Variants in PRDM7 observed in about 807,000 individuals in gnomAD.
PRDM7 encodes the protein PR/SET domain 7.
In PRDM7, 52 loss-of-function variants were observed where a neutral mutation model predicts 64.3. The ratio of observed to expected loss-of-function variants is 0.81; its 90% CI spans 0.65 to 1.02. The LOEUF is 1.02. Among genes scored for constraint, PRDM7 ranks in the 50% least tolerant of loss-of-function variants. The pLI is 0.00. For missense variants in PRDM7, 574 were observed against 597.1 expected, an observed-to-expected ratio of 0.96 and a Z score of 0.40; for synonymous variants, 192 against 210.1, an observed-to-expected ratio of 0.91 and a Z score of 0.74.
Position 90,071,911 on chromosome 16 carries a change from G to A in PRDM7, c.301+3005C>T, listed in dbSNP as rs148995013. Among the ~76,000 whole-genome samples, 1,382 of 152,262 alleles carry A rather than the reference G, an allele frequency of 9.1e-3. 21 individuals carry two copies. Among genetic ancestry groups the A allele is most frequent in the African/African-American group, 0.031 (1,293 of 41,530 alleles). On this transcript the variant is annotated intron_variant, in intron 4 of 10. Transcript: ENST00000449207. The stretch of plus-strand genomic sequence containing the variant: ...ATATAATATATTAAAAAGAATTAAA[G>A]GCTGGGCGCGGTGGCTCATGCCTGT...
At chr16:90,072,364 G>A (rs557186046) in intron 4 of PRDM7, among the ~76,000 whole-genome samples, 1 of 152,260 alleles carries the variant, frequency 6.6e-6, no homozygotes, top group South Asian at 2.1e-4. Context: ...TTTTCAAAAT[G>A]TGGTATATAC....
rs1170979377 is a variant in PRDM7, at chr16:90,062,432, C to A, written c.579G>T (p.Glu193Asp). 1 of 1,614,134 alleles carries A rather than the reference C, an allele frequency of 6.2e-7. No homozygotes were observed. Among genetic ancestry groups the A allele is most frequent in the Non-Finnish European group, 8.5e-7 (1 of 1,180,028 alleles). ...AGTCATCATCCTGTGGCTCGCTGAT[C>A]TCTTTGTATGCATGACCCTTTCTTT... The part of the protein sequence containing the change: ...LRERKGHAYK[E>D]ISEPQDDDYL... The change falls in exon 7 of 11, where the codon GAG becomes GAT. Residue 193 changes from glutamate (E) to aspartate (D), a missense_variant. By Grantham distance (45) the Glu-to-Asp change is conservative. Coordinates refer to ENST00000449207, the MANE Select transcript of PRDM7 (RefSeq NM_001098173.2).
At position 90,057,716 on chromosome 16, in the gene PRDM7, T is replaced by C; in HGVS notation, c.*573A>G. The C allele has an allele frequency of 8.1e-7, 1 of 1,233,078 alleles. No homozygotes were observed. Among genetic ancestry groups the C allele is most frequent in the South Asian group, 1.5e-5 (1 of 67,534 alleles). The allele number at this position is 1,233,078 out of a possible 1,614,324, so 76.4% of individuals were successfully genotyped here. On this transcript the variant is annotated 3_prime_UTR_variant, in exon 11 of 11. Coordinates refer to ENST00000449207, the MANE Select transcript of PRDM7 (RefSeq NM_001098173.2). The stretch of plus-strand genomic sequence containing the variant: ...AGTTATTTCCGATCTCTTTACACTC[T>C]CGGGGAATGTAAGGGGTTAGCAGAC...
rs1449364671 is a variant in PRDM7 at position 90,059,455 on chromosome 16, T to G, written c.1233+886A>C. ...CCACCATTTTCTCTCACTTGGAAACTGGAGCAGCTCTGAAGGGATGACCCA... is the reference window on the plus strand; with the variant it reads ...CCACCATTTTCTCTCACTTGGAAACGGGAGCAGCTCTGAAGGGATGACCCA... On this transcript the variant is annotated intron_variant, in intron 10 of 10. Coordinates refer to ENST00000449207, the MANE Select transcript of PRDM7 (RefSeq NM_001098173.2). 3.3e-5 allele frequency among the ~76,000 whole-genome samples: 5 copies of G among 152,244 alleles called. No individual in the cohort carries two copies. The East Asian group carries it at 9.6e-4, about 29-fold the overall frequency.
In PRDM7 at chr16:90,060,503, A is replaced by C. The variant is rs778736368; in HGVS notation, c.1071T>G (p.Ser357=). 7.4e-6 allele frequency: 12 copies of C among 1,613,676 alleles called. No homozygotes were observed. The highest frequency in any genetic ancestry group is 1.0e-5 in the Non-Finnish European group (12 of 1,179,904). Residue 357 remains serine (S), a synonymous_variant, in exon 10 of 11, where the codon TCT becomes TCG. Coordinates refer to ENST00000449207, the MANE Select transcript of PRDM7 (RefSeq NM_001098173.2). ...IRPGCELLVW[S]GDEYGQELGI... is the part of the protein sequence containing the mutation. ...CCAGTTCCTGGCCATACTCATCCCCAGACCAGACCAGCAGTTCACAGCCTG... is the reference window on the plus strand; with the variant it reads ...CCAGTTCCTGGCCATACTCATCCCCCGACCAGACCAGCAGTTCACAGCCTG...
At chr16:90,074,305 TC>T (rs2038003745) in intron 4 of PRDM7, among the ~76,000 whole-genome samples, 2 of 151,348 alleles carry the variant, frequency 1.3e-5, no homozygotes, top group Non-Finnish European at 2.9e-5. Context: ...ATCATCATCA[TC>T]ATCATCATCA....
intron 1 of PRDM7, among the ~76,000 whole-genome samples, chr16:90,076,803 G>C (rs1264886052): frequency 6.6e-6 from 1 of 152,010 alleles, no homozygotes; most frequent in Non-Finnish European, 1.5e-5. Flanking sequence ...AAGGAGATTT[G>C]GGTCTCTCAT....
Position 90,062,059 on chromosome 16 carries a change from A to G in PRDM7, c.744T>C (p.Ile248=), listed in dbSNP as rs143553488. 3 of 1,614,128 alleles carry G rather than the reference A, an allele frequency of 1.9e-6. No individual in the cohort carries two copies. Among genetic ancestry groups the G allele is most frequent in the Non-Finnish European group, 2.5e-6 (3 of 1,180,050 alleles). The change falls in exon 8 of 11, where the codon ATT becomes ATC. Residue 248 remains isoleucine (I), a synonymous_variant. Coordinates refer to ENST00000449207, the MANE Select transcript of PRDM7 (RefSeq NM_001098173.2). The part of the protein sequence containing the change: ...SALSLPPGLR[I]GPSGIPQAGL... ...CAGCCTGAGGGATGCCTGATGGCCC[A>G]ATTCTCAGCCCCGGGGGCAGACTGA...
intron 4 of PRDM7, among the ~76,000 whole-genome samples, chr16:90,071,231 A>C (rs1173258753): frequency 6.6e-6 from 1 of 152,156 alleles, no homozygotes; most frequent in East Asian, 1.9e-4. Context: ...TCCCGGGTTC[A>C]AGTGATTCTT....
intron 6 of PRDM7, 55 bp from the exon 7 acceptor site, chr16:90,062,557 GT>G: frequency 7.1e-7 from 1 of 1,417,486 alleles, no homozygotes; most frequent in South Asian, 1.2e-5. Flanking sequence ...GTTTGTCCTT[GT>G]TTCATAAGAA....
rs974329166 is a variant in PRDM7, at chr16:90,069,932, G to T, written c.302-3022C>A. 2.5e-5 allele frequency: 4 copies of T among 157,124 alleles called. 1 individual carries two copies. Among genetic ancestry groups the T allele is most frequent in the African/African-American group, 1.0e-4 (4 of 40,192 alleles). The allele number at this position is 157,124 out of a possible 1,614,324, so 9.7% of individuals were successfully genotyped here. A position where few individuals can be genotyped will look rare whatever the true frequency, so the allele number is the denominator to read the frequency against. Reference sequence around the variant, plus strand: ...TAGCTGGGTGTGGTGGTGTGTGCCTGTAATCCCAGCTACTCGGGAGGCTGA... The same window carrying T: ...TAGCTGGGTGTGGTGGTGTGTGCCTTTAATCCCAGCTACTCGGGAGGCTGA... On this transcript the variant is annotated intron_variant, in intron 4 of 10. Coordinates refer to ENST00000449207, the MANE Select transcript of PRDM7 (RefSeq NM_001098173.2).
In PRDM7 at chr16:90,064,703, C is replaced by T. The variant is rs141526582; in HGVS notation, c.352-935G>A. On this transcript the variant is annotated intron_variant, in intron 5 of 10. Transcript: ENST00000449207. ...TGCTGGGATTATATGTAAGAGCCCC[C>T]GCACCCAGCCCATGCTAATTCTTTT... Among the ~76,000 whole-genome samples the T allele has an allele frequency of 9.9e-4, 146 of 147,014 alleles. 5 individuals carry two copies. Among genetic ancestry groups the T allele is most frequent in the South Asian group, 4.8e-3 (23 of 4,762 alleles).
At position 90,057,745 on chromosome 16, in the gene PRDM7, C is replaced by T. The variant is rs1261588172; in HGVS notation, c.*544G>A. 1.3e-5 allele frequency: 17 copies of T among 1,271,218 alleles called. No individual in the cohort carries two copies. Among genetic ancestry groups the T allele is most frequent in the Admixed American group, 8.4e-5 (3 of 35,740 alleles). 78.7% of individuals were successfully genotyped at this position (1,271,218 alleles called of 1,614,324 possible). A position where few individuals can be genotyped will look rare whatever the true frequency, so the allele number is the denominator to read the frequency against. ...GGAATGTAAGGGGTTAGCAGACTTT[C>T]GCTGAAGCCACCTCAGAGCTGGGGT... On this transcript the variant is annotated 3_prime_UTR_variant, in exon 11 of 11. Transcript: ENST00000449207.
Position 90,058,029 on chromosome 16 carries a change from C to T in PRDM7, c.*260G>A. 2 of 1,610,726 alleles carry T rather than the reference C, an allele frequency of 1.2e-6. No individual in the cohort carries two copies. Among genetic ancestry groups the T allele is most frequent in the Non-Finnish European group, 1.7e-6 (2 of 1,177,732 alleles). On this transcript the variant is annotated 3_prime_UTR_variant, in exon 11 of 11. Transcript: ENST00000449207. Reference sequence around the variant, plus strand: ...TCCCACACTCTCTGCAGACGTAGGGCTTCCCCCCTGTGTGTGTCCTTTGGT... The same window carrying T: ...TCCCACACTCTCTGCAGACGTAGGGTTTCCCCCCTGTGTGTGTCCTTTGGT...
intron 4 of PRDM7, among the ~76,000 whole-genome samples, chr16:90,074,430 A>T (rs1170521515): frequency 6.6e-6 from 1 of 151,454 alleles, no homozygotes; most frequent in Admixed American, 6.6e-5. Flanking sequence ...TACAAAAATT[A>T]GCTGGGCAAA....
In PRDM7 at chr16:90,075,164, C is replaced by T; in HGVS notation, c.194-141G>A. On this transcript the variant is annotated intron_variant, in intron 3 of 10. Coordinates refer to ENST00000449207, the MANE Select transcript of PRDM7 (RefSeq NM_001098173.2). This position sits in a 1 kb window ranked among gnomAD's most constrained non-coding sequence, Gnocchi z 4.3. ...AGTCTTGAACAAGGTCAAGATGTGA[C>T]CTCTGCATGGTCAGTATCCACACAC... 1 of 1,361,192 alleles carries T rather than the reference C, an allele frequency of 7.3e-7. No individual in the cohort carries two copies. Among genetic ancestry groups the T allele is most frequent in the Non-Finnish European group, 1.0e-6 (1 of 969,354 alleles). The allele number at this position is 1,361,192 out of a possible 1,614,324, so 84.3% of individuals were successfully genotyped here. A position where few individuals can be genotyped will look rare whatever the true frequency, so the allele number is the denominator to read the frequency against.
Position 90,057,570 on chromosome 16 carries a change from C to CA in PRDM7, c.*718dup, listed in dbSNP as rs2037703952. On this transcript the variant is annotated 3_prime_UTR_variant, in exon 11 of 11. Coordinates refer to ENST00000449207, the MANE Select transcript of PRDM7 (RefSeq NM_001098173.2). ...ATTAATTAGAACAGGAGGCAAAACA[C>CA]AAAAAATGGAGGGGATCAGTGCGGG... 2.0e-6 allele frequency: 1 copy of CA among 488,832 alleles called. No individual in the cohort carries two copies. Among genetic ancestry groups the CA allele is most frequent in the Non-Finnish European group, 2.9e-6 (1 of 339,116 alleles). 30.3% of individuals were successfully genotyped at this position (488,832 alleles called of 1,614,324 possible). A position where few individuals can be genotyped will look rare whatever the true frequency, so the allele number is the denominator to read the frequency against.
At chr16:90,069,165 T>C (rs1187169562) in intron 4 of PRDM7, among the ~76,000 whole-genome samples, 1 of 151,280 alleles carries the variant, frequency 6.6e-6, no homozygotes, top group African/African-American at 2.5e-5. Context: ...GACAGACCTA[T>C]AGACCAATGG....
At chr16:90,071,433 G>C (rs12922609) in intron 4 of PRDM7, among the ~76,000 whole-genome samples, 20 of 152,176 alleles carry the variant, frequency 1.3e-4, no homozygotes, top group African/African-American at 3.9e-4. Flanking sequence ...CTGGCCCAGA[G>C]TGGGTAATTT....
Sources: gnomAD v4.1 joint callset for allele counts (sites outside exome capture counted in the v4.1 genomes callset) on GRCh38, gnomAD v4.1.1 for gene constraint, Gnocchi (gnomAD v3.1) non-coding constraint, MANE v1.5 for transcripts, NCBI Gene and HGNC (gene_info 2026-07-23, HGNC 2026-07-21) for gene names.